Variants in MLIP observed in about 807,000 individuals in gnomAD.
MLIP encodes the protein muscular LMNA-interacting protein.
A neutral mutation model predicts 84.8 loss-of-function variants in MLIP; 79 were observed. That is an observed-to-expected ratio of 0.93 (90% CI 0.78 to 1.12). MLIP has a LOEUF of 1.12. MLIP is among the 50% of genes most tolerant of loss of function. MLIP has a pLI of 0.00. For missense variants in MLIP, 1,257 were observed against 1,160.6 expected, an observed-to-expected ratio of 1.08 and a Z score of -1.21; for synonymous variants, 504 against 463.0, an observed-to-expected ratio of 1.09 and a Z score of -1.14.
intron 9 of MLIP, among the ~76,000 whole-genome samples, chr6:54,186,380 C>T (rs997482112): frequency 2.0e-5 from 3 of 152,122 alleles, no homozygotes; most frequent in African/African-American, 7.2e-5. Context: ...GAAAGTTTAG[C>T]CTCCCATGTA....
chr6:54,078,691 CTTTTTT>C (rs70980890), intron 1 of MLIP, among the ~76,000 whole-genome samples: 5 of 133,368 alleles, frequency 3.7e-5, no homozygotes, highest in African/African-American at 8.3e-5. Flanking sequence ...TTCTTTCTTT[CTTTTTT>C]TTTTTTTTTT....
chr6:54,242,883 C>T (rs1157087306), intron 12 of MLIP, among the ~76,000 whole-genome samples: 1 of 152,136 alleles, frequency 6.6e-6, no homozygotes, highest in Admixed American at 6.5e-5. Flanking sequence ...ATAGACTTTG[C>T]AACCTTTTTG....
In MLIP at chr6:54,183,743, G is replaced by GCTTTT. The variant is rs1777115556; in HGVS notation, c.2545-6127_2545-6126insCTTTT. 2.6e-5 allele frequency among the ~76,000 whole-genome samples: 3 copies of GCTTTT among 116,724 alleles called. No homozygotes were observed. The Admixed American group carries it at 3.1e-4, about 12-fold the overall frequency. 76.6% of individuals were successfully genotyped at this position (116,724 alleles called of 152,430 possible). ...TTAGTGAGATATTTAGACAGGGTAAGTTTTTTTTTTTTTTTTTTTTGAGAC... is the reference window on the plus strand; with the variant it reads ...TTAGTGAGATATTTAGACAGGGTAAGCTTTTTTTTTTTTTTTTTTTTTTTTGAGAC... On this transcript the variant is annotated intron_variant, in intron 9 of 13. Transcript: ENST00000502396.
At chr6:54,030,799 T>C (rs1206258287) in intron 1 of MLIP, 2 of 152,184 alleles carry the variant, frequency 1.3e-5, no homozygotes, top group Non-Finnish European at 2.9e-5. Flanking sequence ...ACCTTAATTA[T>C]TTACCTACCT....
chr6:54,035,563 G>C (rs1764380460), intron 1 of MLIP, among the ~76,000 whole-genome samples: 1 of 151,974 alleles, frequency 6.6e-6, no homozygotes, highest in Non-Finnish European at 1.5e-5. Context: ...CTGAGTAGCT[G>C]TACCATTTTA....
At chr6:54,151,342 C>T (rs1424229717) in intron 5 of MLIP, among the ~76,000 whole-genome samples, 1 of 151,910 alleles carries the variant, frequency 6.6e-6, no homozygotes, top group African/African-American at 2.4e-5. Flanking sequence ...TTGTATTGTT[C>T]CTTTCAGTGT....
intron 1 of MLIP, among the ~76,000 whole-genome samples, chr6:54,052,201 G>C (rs535612973): frequency 8.5e-5 from 13 of 152,144 alleles, no homozygotes; most frequent in African/African-American, 2.6e-4. Context: ...TCAATTACTG[G>C]GTCCCAGAGA....
chr6:54,196,761 A>G (rs1284993175), intron 10 of MLIP, among the ~76,000 whole-genome samples: 1 of 152,148 alleles, frequency 6.6e-6, no homozygotes, highest in Non-Finnish European at 1.5e-5. Context: ...TGGAGATACA[A>G]GAGTGAATAA....
At chr6:54,074,233 T>C (rs1434918236) in intron 1 of MLIP, among the ~76,000 whole-genome samples, 1 of 152,234 alleles carries the variant, frequency 6.6e-6, no homozygotes, top group Non-Finnish European at 1.5e-5. Flanking sequence ...ATTGATTTTA[T>C]AGCACTTCTG....
intron 1 of MLIP, among the ~76,000 whole-genome samples, chr6:54,053,378 T>C (rs368958808): frequency 1.1e-4 from 16 of 152,370 alleles, no homozygotes; most frequent in African/African-American, 3.8e-4. Flanking sequence ...ATGAATAGCA[T>C]TTATGATGTC....
At chr6:54,163,679 A>G (rs948891840) in intron 8 of MLIP, among the ~76,000 whole-genome samples, 4 of 152,004 alleles carry the variant, frequency 2.6e-5, no homozygotes. Context: ...ACACAAGCAC[A>G]TACATATACA....
chr6:54,081,338 C>A (rs1767132892), intron 1 of MLIP, among the ~76,000 whole-genome samples: 2 of 152,024 alleles, frequency 1.3e-5, no homozygotes, highest in South Asian at 2.1e-4. Flanking sequence ...AGTTTCAGTG[C>A]AAGAAAATGA....
chr6:54,095,010 G>A (rs1768113673), intron 1 of MLIP, among the ~76,000 whole-genome samples: 1 of 152,108 alleles, frequency 6.6e-6, no homozygotes, highest in African/African-American at 2.4e-5. Context: ...ATTACATTTG[G>A]GTGATTTTTC....
intron 3 of MLIP, 78 bp from the exon 4 acceptor site, chr6:54,136,637 T>TC: frequency 1.5e-6 from 2 of 1,306,064 alleles, no homozygotes; most frequent in Non-Finnish European, 2.0e-6. Flanking sequence ...GTTTGTATAA[T>TC]CGCACAAGTG....
At chr6:54,081,601 T>C (rs928848358) in intron 1 of MLIP, among the ~76,000 whole-genome samples, 12 of 152,000 alleles carry the variant, frequency 7.9e-5, no homozygotes, top group African/African-American at 2.9e-4. Context: ...TTAGTTGAGA[T>C]ACGGTTTCAC....
chr6:54,153,869 AT>A (rs1292028833), intron 5 of MLIP, among the ~76,000 whole-genome samples: 4 of 151,028 alleles, frequency 2.6e-5, no homozygotes, highest in South Asian at 2.1e-4. Flanking sequence ...AAAAAAAAAA[AT>A]CTTTATGTCT....
chr6:54,146,509 G>A (rs1183797913), intron 4 of MLIP, among the ~76,000 whole-genome samples: 1 of 152,176 alleles, frequency 6.6e-6, no homozygotes, highest in Non-Finnish European at 1.5e-5. Flanking sequence ...CAAGAGGGGG[G>A]AAATAGGACC....
chr6:54,130,290 G>A (rs1321794162), intron 3 of MLIP, among the ~76,000 whole-genome samples: 1 of 152,128 alleles, frequency 6.6e-6, no homozygotes, highest in Non-Finnish European at 1.5e-5. Flanking sequence ...GATGATGTAG[G>A]CTTTTAAGAA....
chr6:54,111,384 T>G, upstream of MLIP: 1 of 1,487,262 alleles, frequency 6.7e-7, no homozygotes. Context: ...TTTTTAGAAT[T>G]TCTTCTTTCT....
Sources: allele counts gnomAD v4.1 joint callset (sites outside exome capture counted in the v4.1 genomes callset), GRCh38; gene constraint gnomAD v4.1.1; transcripts MANE v1.5; gene names NCBI Gene and HGNC (gene_info 2026-07-23, HGNC 2026-07-21).